Variants in KCNQ1 observed in about 807,000 individuals in gnomAD.
KCNQ1 encodes the protein potassium voltage-gated channel subfamily Q member 1.
Under a neutral mutation model 72.4 loss-of-function variants are expected in KCNQ1, and 49 were observed. That is an observed-to-expected ratio of 0.68 (90% confidence interval 0.54 to 0.86). The LOEUF is 0.86. KCNQ1 is among the 40% of genes least tolerant of loss of function. KCNQ1 has a pLI of 0.00. For missense variants in KCNQ1, 790 were observed against 945.1 expected (o/e 0.84, Z 2.15); for synonymous variants, 450 against 412.6 (o/e 1.09, Z -1.10).
rs912062783 is a variant in KCNQ1 at position 2,764,092 on chromosome 11, G to A, written c.1515-4752G>A. On this transcript the variant is annotated intron_variant, in intron 11 of 15. Coordinates refer to ENST00000155840, the MANE Select transcript of KCNQ1 (RefSeq NM_000218.3). The surrounding 1 kb of genome is among the most constrained non-coding windows in gnomAD (Gnocchi z 4.8). ...TTTCTGGACAATGTGAAATAGAAAC[G>A]ATAACATCCTTGCCTTGCTTCCTGT... 2.0e-5 allele frequency among the ~76,000 whole-genome samples: 3 copies of A among 152,038 alleles called. No individual in the cohort carries two copies. The highest frequency in any genetic ancestry group is 4.4e-5 in the Non-Finnish European group (3 of 68,028).
chr11:2,794,471 G>A (rs1408672552), intron 15 of KCNQ1, among the ~76,000 whole-genome samples: 1 of 152,114 alleles, frequency 6.6e-6, no homozygotes, highest in Non-Finnish European at 1.5e-5. Flanking sequence ...TGAGAGAGAT[G>A]GGAAGGCAGT....
intron 1 of KCNQ1, among the ~76,000 whole-genome samples, chr11:2,501,558 C>T (rs183525079): frequency 6.6e-6 from 1 of 151,814 alleles, no homozygotes; most frequent in Admixed American, 6.6e-5. Flanking sequence ...CAAAGAAAAC[C>T]CTGAGACTTG....
chr11:2,737,273 A>G (rs1335567490), intron 11 of KCNQ1, among the ~76,000 whole-genome samples: 3 of 152,078 alleles, frequency 2.0e-5, no homozygotes, highest in Admixed American at 1.3e-4. Context: ...GTGCCGGTGG[A>G]GAGGGAGAGC....
chr11:2,743,632 C>T (rs533840362), intron 11 of KCNQ1, among the ~76,000 whole-genome samples: 21 of 152,332 alleles, frequency 1.4e-4, no homozygotes, highest in Middle Eastern at 6.8e-3. Flanking sequence ...AGCAGCCCTG[C>T]GCAGCCCTCT....
At position 2,479,050 on chromosome 11, in the gene KCNQ1, T is replaced by C. The variant is rs1846615259; in HGVS notation, c.386+33566T>C. On this transcript the variant is annotated intron_variant, in intron 1 of 15. Coordinates refer to ENST00000155840, the MANE Select transcript of KCNQ1 (RefSeq NM_000218.3). This position sits in a 1 kb window ranked among gnomAD's most constrained non-coding sequence, Gnocchi z 4.6. ...CTCCATTGACTCCATGTCTCACATC[T>C]AGGTCATGCTGATGCAAGAGGTGGG... 6.6e-6 allele frequency among the ~76,000 whole-genome samples: 1 copy of C among 150,964 alleles called. No homozygotes were observed. The highest frequency in any genetic ancestry group is 2.2e-4 in the South Asian group (1 of 4,650).
At position 2,446,866 on chromosome 11, in the gene KCNQ1, G is replaced by A. The variant is rs983756982; in HGVS notation, c.386+1382G>A. ...TGCAACAGCGGGGGCTCGGCTTGGGGTTTGGGAGATATTTGTGTGCAGTGA... is the reference window on the plus strand; with the variant it reads ...TGCAACAGCGGGGGCTCGGCTTGGGATTTGGGAGATATTTGTGTGCAGTGA... On this transcript the variant is annotated intron_variant, in intron 1 of 15. Coordinates refer to ENST00000155840, the MANE Select transcript of KCNQ1 (RefSeq NM_000218.3). The surrounding 1 kb of genome is among the most constrained non-coding windows in gnomAD (Gnocchi z 8.8). Among the ~76,000 whole-genome samples the A allele has an allele frequency of 6.6e-6, 1 of 152,202 alleles. No homozygotes were observed. The highest frequency in any genetic ancestry group is 1.5e-5 in the Non-Finnish European group (1 of 68,040).
chr11:2,649,897 C>T, intron 10 of KCNQ1: 1 of 398,376 alleles, frequency 2.5e-6, no homozygotes, highest in East Asian at 3.6e-5. Flanking sequence ...GGTCCTTATC[C>T]CAACACTTCT....
At chr11:2,556,942 C>T (rs948325194) in intron 2 of KCNQ1, among the ~76,000 whole-genome samples, 4 of 152,222 alleles carry the variant, frequency 2.6e-5, no homozygotes, top group African/African-American at 9.6e-5. Context: ...AATATAAGGA[C>T]AGAAAGAGTC....
At chr11:2,638,812 C>G (rs1045654585) in intron 10 of KCNQ1, 1 of 152,224 alleles carries the variant, frequency 6.6e-6, no homozygotes, top group African/African-American at 2.4e-5. Flanking sequence ...AGAGTGTTTT[C>G]CAACTTGGTT....
rs1171448046 is a variant in KCNQ1 at position 2,629,025 on chromosome 11, A to G, written c.1394-32936A>G. The G allele has an allele frequency of 1.0e-5, 4 of 398,172 alleles. No homozygotes were observed. In the Admixed American group the frequency reaches 1.3e-4, roughly 13 times the overall value. The allele number at this position is 398,172 out of a possible 1,614,324, so 24.7% of individuals were successfully genotyped here. On this transcript the variant is annotated intron_variant, in intron 10 of 15. Transcript: ENST00000155840. ...ATATAATTCAAAATAAGCATGTGTA[A>G]TATCTTTCACTTTGTTCTTATTGCT...
At chr11:2,476,473 T>C (rs573784366) in intron 1 of KCNQ1, among the ~76,000 whole-genome samples, 33 of 152,162 alleles carry the variant, frequency 2.2e-4, no homozygotes, top group Middle Eastern at 6.8e-3. Context: ...AATATGTAAG[T>C]TAAAAAGTTC....
Position 2,544,088 on chromosome 11 carries a change from A to G in KCNQ1, c.477+16070A>G, listed in dbSNP as rs548278518. ...CGGGGTCCTTTGCATTTACATATAA[A>G]TTTTGGAAGCTGCTTACCAATTTTT... On this transcript the variant is annotated intron_variant, in intron 2 of 15. Transcript: ENST00000155840. The surrounding 1 kb of genome is among the most constrained non-coding windows in gnomAD (Gnocchi z 4.4). 1.6e-3 allele frequency among the ~76,000 whole-genome samples: 250 copies of G among 152,202 alleles called. No individual in the cohort carries two copies. The highest frequency in any genetic ancestry group is 5.9e-3 in the African/African-American group (246 of 41,524).
At chr11:2,831,207 G>A (rs1170142266) in intron 15 of KCNQ1, among the ~76,000 whole-genome samples, 24 of 152,234 alleles carry the variant, frequency 1.6e-4, no homozygotes, top group Admixed American at 1.6e-3. Context: ...CTACAGGGAT[G>A]GCCATCGGGT....
In KCNQ1 at chr11:2,647,581, G is replaced by A. The variant is rs1404308106; in HGVS notation, c.1394-14380G>A. On this transcript the variant is annotated intron_variant, in intron 10 of 15. Transcript: ENST00000155840. This position sits in a 1 kb window ranked among gnomAD's most constrained non-coding sequence, Gnocchi z 4.0. ...AATTGTCTGAGAAGAATTCATGTTA[G>A]TTCTTTAAAGGTTTGGTAGAATTCA... The A allele has an allele frequency of 5.0e-6, 2 of 398,426 alleles. No homozygotes were observed. The highest frequency in any genetic ancestry group is 4.1e-5 in the African/African-American group (2 of 48,630). The allele number at this position is 398,426 out of a possible 1,614,324, so 24.7% of individuals were successfully genotyped here. A position where few individuals can be genotyped will look rare whatever the true frequency, so the allele number is the denominator to read the frequency against.
intron 1 of KCNQ1, among the ~76,000 whole-genome samples, chr11:2,504,582 C>T (rs530475328): frequency 6.6e-6 from 1 of 152,182 alleles, no homozygotes; most frequent in East Asian, 1.9e-4. Context: ...ATGGTGAAAC[C>T]CCCTTCTCTA....
chr11:2,768,857 C>T lies in KCNQ1; in HGVS notation c.1528C>T (p.His510Tyr), dbSNP rs1457730633. 6.2e-7 allele frequency: 1 copy of T among 1,614,032 alleles called. No homozygotes were observed. Among genetic ancestry groups the T allele is most frequent in the Admixed American group, 1.7e-5 (1 of 60,026 alleles). The change falls in exon 12 of 16, where the codon CAT (histidine) becomes TAT (tyrosine). Residue 510 changes from histidine to tyrosine, a missense_variant. Coordinates refer to ENST00000155840, the MANE Select transcript of KCNQ1 (RefSeq NM_000218.3). The surrounding 1 kb of genome is among the most constrained non-coding windows in gnomAD (Gnocchi z 6.7). ...ITHISQLREH[H>Y]RATIKVIRRM... is the part of the protein sequence containing the mutation. ...TCTCCACTGCAGGCTGCGGGAACAC[C>T]ATCGGGCCACCATTAAGGTCATTCG... is the stretch of plus-strand genomic sequence containing the variant.
intron 1 of KCNQ1, among the ~76,000 whole-genome samples, chr11:2,501,481 G>A (rs537874589): frequency 1.3e-5 from 2 of 152,110 alleles, no homozygotes; most frequent in African/African-American, 4.8e-5. Context: ...GAACCAGGAA[G>A]AAATGCAAAC....
In KCNQ1 at chr11:2,491,382, T is replaced by G. The variant is rs529990786; in HGVS notation, c.387-36546T>G. Among the ~76,000 whole-genome samples the G allele has an allele frequency of 1.3e-5, 2 of 152,176 alleles. No homozygotes were observed. The highest frequency in any genetic ancestry group is 4.8e-5 in the African/African-American group (2 of 41,444). On this transcript the variant is annotated intron_variant, in intron 1 of 15. Transcript: ENST00000155840. The surrounding 1 kb of genome is among the most constrained non-coding windows in gnomAD (Gnocchi z 4.1). ...GGAATTCAGAATTCTATCAGATAAATTTAATAAAGAGATTAAAATAAGAAT... is the reference window on the plus strand; with the variant it reads ...GGAATTCAGAATTCTATCAGATAAAGTTAATAAAGAGATTAAAATAAGAAT...
At chr11:2,699,829 C>G (rs950721756) in intron 11 of KCNQ1, 1 of 395,964 alleles carries the variant, frequency 2.5e-6, no homozygotes, top group Non-Finnish European at 4.4e-6. Context: ...ACTGACGCAC[C>G]GAGGAGGACC....
Sources: gnomAD v4.1 joint callset for allele counts (sites outside exome capture counted in the v4.1 genomes callset) on GRCh38, gnomAD v4.1.1 for gene constraint, Gnocchi (gnomAD v3.1) non-coding constraint, MANE v1.5 for transcripts, NCBI Gene and HGNC (gene_info 2026-07-23, HGNC 2026-07-21) for gene names.